The following SIDT1 variants were observed in gnomAD, a reference collection of about 807,000 sequenced individuals.
SIDT1 encodes the protein SID1 transmembrane family member 1, also known as SID1 transmembrane family, member 1.
A neutral mutation model predicts 107.5 loss-of-function variants in SIDT1; 101 were observed. The observed-to-expected ratio is 0.94, with a 90% CI of 0.80 to 1.11. SIDT1 has a LOEUF of 1.11. Ranked by LOEUF, SIDT1 falls within the 50% of genes least tolerant of loss-of-function variation. The pLI is 0.00. For synonymous variants in SIDT1, 395 were observed against 398.2 expected (o/e 0.99, Z 0.10); for missense variants, 1,076 against 1,058.2 (o/e 1.02, Z -0.23).
chr3:113,572,138 G>A (rs539549903), intron 3 of SIDT1, among the ~76,000 whole-genome samples: 1 of 152,262 alleles, frequency 6.6e-6, no homozygotes, highest in South Asian at 2.1e-4. Context: ...AAAAGAGAGA[G>A]TCAATAATGC....
chr3:113,555,639 A>T (rs180890713), intron 1 of SIDT1, among the ~76,000 whole-genome samples: 2 of 152,222 alleles, frequency 1.3e-5, no homozygotes, highest in Non-Finnish European at 1.5e-5. Context: ...ATTGTTGGGC[A>T]TAATGAAATT....
At chr3:113,623,181 A>AC (rs1395492803) in intron 21 of SIDT1, among the ~76,000 whole-genome samples, 3 of 123,838 alleles carry the variant, frequency 2.4e-5, no homozygotes, top group Non-Finnish European at 5.0e-5. Context: ...AGGGAATGAG[A>AC]CCCCAACTCT....
rs774846685 is a variant in SIDT1 at position 113,623,545 on chromosome 3, G to T, written c.2196+13G>T. ...CATCATCATGAAGGTAAGAGCGGGT[G>T]CCGGGAGCGGCTACCTCGGGCCCTC... On this transcript the variant is annotated intron_variant, in intron 22 of 24. Coordinates refer to ENST00000264852, the MANE Select transcript of SIDT1 (RefSeq NM_017699.3). The T allele has an allele frequency of 3.1e-6, 5 of 1,608,252 alleles. No individual in the cohort carries two copies. The Admixed American group carries it at 8.3e-5, about 27-fold the overall frequency.
intron 3 of SIDT1, among the ~76,000 whole-genome samples, chr3:113,575,826 GA>G (rs371982211): frequency 6.6e-6 from 1 of 152,068 alleles, no homozygotes; most frequent in Non-Finnish European, 1.5e-5. Context: ...AGAGTGGAAA[GA>G]AAAAAATCTT....
chr3:113,552,216 T>C (rs1323218018), intron 1 of SIDT1, among the ~76,000 whole-genome samples: 2 of 152,216 alleles, frequency 1.3e-5, no homozygotes, highest in Admixed American at 1.3e-4. Flanking sequence ...TGCGCTCCCT[T>C]TCTCTCCATA....
At position 113,586,006 on chromosome 3, in the gene SIDT1, A is replaced by G. The variant is rs57067991; in HGVS notation, c.1001+736A>G. On this transcript the variant is annotated intron_variant, in intron 9 of 24. Coordinates refer to ENST00000264852, the MANE Select transcript of SIDT1 (RefSeq NM_017699.3). Reference sequence around the variant, plus strand: ...ACAAATGTTCTTTCTCTTCTTGAACATGTAAAGAAAACAAAGCCAGAATTG... The same window carrying G: ...ACAAATGTTCTTTCTCTTCTTGAACGTGTAAAGAAAACAAAGCCAGAATTG... Among the ~76,000 whole-genome samples, 650 of 152,348 alleles carry G rather than the reference A, an allele frequency of 4.3e-3. 2 individuals are homozygous for G. Among genetic ancestry groups the G allele is most frequent in the African/African-American group, 0.015 (619 of 41,590 alleles).
chr3:113,556,659 G>T (rs907769458), intron 1 of SIDT1, among the ~76,000 whole-genome samples: 1 of 151,964 alleles, frequency 6.6e-6, no homozygotes, highest in African/African-American at 2.4e-5. Context: ...GAACACAAGG[G>T]GAAGGCTTTG....
chr3:113,620,195 T>C, intron 21 of SIDT1, among the ~76,000 whole-genome samples: 1 of 141,814 alleles, frequency 7.1e-6, no homozygotes, highest in South Asian at 2.2e-4. Flanking sequence ...TTACTAAATG[T>C]GTGTGTGTGT....
intron 21 of SIDT1, 137 bp downstream of exon 21, chr3:113,619,863 A>T: frequency 1.3e-6 from 1 of 755,934 alleles, no homozygotes. Flanking sequence ...AGAGACTCAA[A>T]AAAAGGTAGT....
chr3:113,571,237 C>A (rs1942417215), intron 3 of SIDT1, among the ~76,000 whole-genome samples: 1 of 151,954 alleles, frequency 6.6e-6, no homozygotes, highest in Non-Finnish European at 1.5e-5. Context: ...GCCTAGGCAA[C>A]ATAGTCTCTA....
intron 1 of SIDT1, among the ~76,000 whole-genome samples, chr3:113,554,122 T>A (rs1434342986): frequency 6.6e-6 from 1 of 151,878 alleles, no homozygotes; most frequent in African/African-American, 2.4e-5. Context: ...GCTCTTGGAG[T>A]GAGAGGCAAA....
chr3:113,605,004 G>T, intron 14 of SIDT1, 28 bp downstream of exon 14: 1 of 1,612,754 alleles, frequency 6.2e-7, no homozygotes, highest in Non-Finnish European at 8.5e-7. Flanking sequence ...CCCAGCCCCA[G>T]AGTCCCAGCT....
chr3:113,596,746 A>G lies in SIDT1; in HGVS notation c.1045+3698A>G, dbSNP rs995081029. 7.9e-5 allele frequency among the ~76,000 whole-genome samples: 12 copies of G among 152,248 alleles called. 1 individual carries two copies. Among genetic ancestry groups the G allele is most frequent in the Admixed American group, 7.2e-4 (11 of 15,290 alleles). ...TCTACAGAAATTCAGTTACCAGCTGAGAAAAATAATGAAGCCTCCCCAACA... is the reference window on the plus strand; with the variant it reads ...TCTACAGAAATTCAGTTACCAGCTGGGAAAAATAATGAAGCCTCCCCAACA... On this transcript the variant is annotated intron_variant, in intron 10 of 24. Coordinates refer to ENST00000264852, the MANE Select transcript of SIDT1 (RefSeq NM_017699.3).
chr3:113,591,587 T>C (rs1560087555), intron 9 of SIDT1, among the ~76,000 whole-genome samples: 2 of 151,924 alleles, frequency 1.3e-5, no homozygotes, highest in Admixed American at 6.6e-5. Context: ...GAAAGACATA[T>C]GGGAGGCTGA....
intron 21 of SIDT1, among the ~76,000 whole-genome samples, chr3:113,620,907 C>T (rs1054515163): frequency 6.6e-6 from 1 of 152,160 alleles, no homozygotes; most frequent in African/African-American, 2.4e-5. Flanking sequence ...AGCAAAACCA[C>T]ATCCACGATC....
At position 113,568,601 on chromosome 3, in the gene SIDT1, A is replaced by AAAAG. The variant is rs1006979133; in HGVS notation, c.515+894_515+895insGAAA. Among the ~76,000 whole-genome samples the AAAAG allele has an allele frequency of 1.1e-4, 16 of 144,444 alleles. 1 individual carries two copies. Among genetic ancestry groups the AAAAG allele is most frequent in the Admixed American group, 4.1e-4 (6 of 14,490 alleles). 94.8% of individuals were successfully genotyped at this position (144,444 alleles called of 152,430 possible). A position where few individuals can be genotyped will look rare whatever the true frequency, so the allele number is the denominator to read the frequency against. On this transcript the variant is annotated intron_variant, in intron 3 of 24. Transcript: ENST00000264852. ...ACAGCAAGACTCTGTCTCAAAAAAA[A>AAAAG]AAAAGAAAAGAAAAGAAAAGAAAAG...
Position 113,623,548 on chromosome 3 carries a change from G to C in SIDT1, c.2196+16G>C. On this transcript the variant is annotated intron_variant, in intron 22 of 24. Coordinates refer to ENST00000264852, the MANE Select transcript of SIDT1 (RefSeq NM_017699.3). ...CATCATGAAGGTAAGAGCGGGTGCCGGGAGCGGCTACCTCGGGCCCTCGGG... is the reference window on the plus strand; with the variant it reads ...CATCATGAAGGTAAGAGCGGGTGCCCGGAGCGGCTACCTCGGGCCCTCGGG... 6.2e-7 allele frequency: 1 copy of C among 1,607,502 alleles called. No homozygotes were observed. The highest frequency in any genetic ancestry group is 1.1e-5 in the South Asian group (1 of 90,962).
intron 1 of SIDT1, among the ~76,000 whole-genome samples, chr3:113,551,824 GGT>G (rs56860179): frequency 0.18 from 25,774 of 146,676 alleles, 2,430 homozygotes; most frequent in East Asian, 0.41. Flanking sequence ...AAGTTTTAGG[GGT>G]GTGTGTGTGT....
At chr3:113,583,134 C>T (rs781206152) in intron 6 of SIDT1, among the ~76,000 whole-genome samples, 4 of 152,038 alleles carry the variant, frequency 2.6e-5, no homozygotes, top group Non-Finnish European at 4.4e-5. Flanking sequence ...TTATATGGTG[C>T]TTATTATAGT....
Sources: allele counts gnomAD v4.1 joint callset (sites outside exome capture counted in the v4.1 genomes callset), GRCh38; gene constraint gnomAD v4.1.1; transcripts MANE v1.5; gene names NCBI Gene and HGNC (gene_info 2026-07-23, HGNC 2026-07-21).